The following KIAA1549 variants were observed in gnomAD, a reference collection of about 807,000 sequenced individuals.
KIAA1549 encodes UPF0606 protein KIAA1549.
Under a neutral mutation model 156.4 loss-of-function variants are expected in KIAA1549, and 70 were observed. The ratio of observed to expected loss-of-function variants is 0.45; its 90% CI spans 0.37 to 0.55. The LOEUF (loss-of-function observed/expected upper bound fraction) is 0.55. KIAA1549 is among the 20% of genes least tolerant of loss of function. The probability of loss-of-function intolerance (pLI) is 0.00; values close to 1 mark genes in which losing one functional copy is unlikely to be tolerated. For synonymous variants in KIAA1549, 1,103 were observed against 1,066.4 expected, an observed-to-expected ratio of 1.03 and a Z score of -0.67; for missense variants, 2,428 against 2,540.9, an observed-to-expected ratio of 0.96 and a Z score of 0.96.
chr7:138,924,947 G>T (rs1375930531), intron 1 of KIAA1549, among the ~76,000 whole-genome samples: 1 of 152,148 alleles, frequency 6.6e-6, no homozygotes, highest in South Asian at 2.1e-4. Flanking sequence ...CCTGAATGAC[G>T]CTGGACCCCG....
intron 1 of KIAA1549, among the ~76,000 whole-genome samples, chr7:138,960,679 A>G (rs1232619055): frequency 1.3e-5 from 2 of 152,154 alleles, no homozygotes. Flanking sequence ...AACCTCCCAG[A>G]CACCCCAGGC....
In KIAA1549 at chr7:138,851,510, C is replaced by A. The variant is rs555421872; in HGVS notation, c.5294+713G>T. Among the ~76,000 whole-genome samples the A allele has an allele frequency of 3.4e-5, 5 of 148,940 alleles. No homozygotes were observed. The South Asian group carries it at 1.1e-3, about 31-fold the overall frequency. ...GTAGTTCTGCTTCTATTGTCTATTT[C>A]TTTCTAATTAAAAAAAAACCTGTAT... On this transcript the variant is annotated intron_variant, in intron 17 of 19. Transcript: ENST00000422774.
chr7:138,908,069 C>T (rs566900607), intron 5 of KIAA1549, among the ~76,000 whole-genome samples: 5 of 152,198 alleles, frequency 3.3e-5, no homozygotes, highest in East Asian at 1.9e-4. Flanking sequence ...ATGGAGCTGA[C>T]GTAGAAAGAG....
chr7:138,924,028 A>G (rs1197087020), intron 1 of KIAA1549, among the ~76,000 whole-genome samples: 1 of 152,192 alleles, frequency 6.6e-6, no homozygotes, highest in Non-Finnish European at 1.5e-5. Context: ...TTTCATAGCA[A>G]TATTATACAG....
rs753865967 is a variant in KIAA1549, at chr7:138,918,587, C to T, written c.1039G>A (p.Ala347Thr). The change falls in exon 2 of 20, where the codon GCA becomes ACA. Residue 347 changes from alanine (A) to threonine (T), a missense_variant. By Grantham distance (58) the Ala-to-Thr change is moderately conservative. Transcript: ENST00000422774. This position sits in a 1 kb window ranked among gnomAD's most constrained non-coding sequence, Gnocchi z 4.2. Reference sequence around the variant, plus strand: ...CTGAATGCAAGGGCTGCGTGCGATGCAGTCACAGTGGGGTATGTTCTTGGA... The same window carrying T: ...CTGAATGCAAGGGCTGCGTGCGATGTAGTCACAGTGGGGTATGTTCTTGGA... ...ISPRTYPTVTASHAALAFSRT... is the reference protein window; with the variant it reads ...ISPRTYPTVTTSHAALAFSRT... The T allele has an allele frequency of 2.5e-6, 4 of 1,614,004 alleles. No homozygotes were observed. The highest frequency in any genetic ancestry group is 3.4e-6 in the Non-Finnish European group (4 of 1,179,900).
chr7:138,978,706 C>G (rs185212464), intron 1 of KIAA1549, among the ~76,000 whole-genome samples: 1 of 152,156 alleles, frequency 6.6e-6, no homozygotes, highest in African/African-American at 2.4e-5. Context: ...CAGGTCTAAG[C>G]CATGCCATTT....
At chr7:138,849,554 T>C (rs75716011) in intron 17 of KIAA1549, among the ~76,000 whole-genome samples, 4,695 of 145,498 alleles carry the variant, frequency 0.032, 242 homozygotes, top group African/African-American at 0.11. Context: ...AGAAATTTTC[T>C]TTTTTTTTTT....
intron 1 of KIAA1549, among the ~76,000 whole-genome samples, chr7:138,967,184 GA>G (rs1814052831): frequency 1.3e-5 from 2 of 152,210 alleles, no homozygotes; most frequent in Admixed American, 1.3e-4. Context: ...AAATGACACT[GA>G]ACTACACAAA....
intron 1 of KIAA1549, among the ~76,000 whole-genome samples, chr7:138,979,577 G>C (rs776191803): frequency 6.6e-6 from 1 of 152,204 alleles, no homozygotes; most frequent in Non-Finnish European, 1.5e-5. Flanking sequence ...CCATTTATCT[G>C]CTGTGTCTTA....
chr7:138,847,861 G>T (rs1324532493), intron 17 of KIAA1549, among the ~76,000 whole-genome samples: 2 of 152,176 alleles, frequency 1.3e-5, no homozygotes, highest in African/African-American at 4.8e-5. Context: ...ATACTGAGTT[G>T]TCCAATCTGT....
chr7:138,886,748 C>T (rs770805869), intron 10 of KIAA1549, among the ~76,000 whole-genome samples: 6 of 152,186 alleles, frequency 3.9e-5, no homozygotes, highest in Non-Finnish European at 7.3e-5. Context: ...GCTCCTGTTA[C>T]AGGAGTACAC....
At chr7:138,925,879 T>C (rs1459023174) in intron 1 of KIAA1549, among the ~76,000 whole-genome samples, 6 of 125,138 alleles carry the variant, frequency 4.8e-5, no homozygotes, top group South Asian at 2.8e-4. Context: ...TATGTTAGAG[T>C]ACAATTGAGT....
chr7:138,833,662 TAGAC>T lies in KIAA1549; in HGVS notation c.*4240_*4243del, dbSNP rs765873780. Reference sequence around the variant, plus strand: ...GAAGCTGAATATATATATAGATAGATAGACAGATACATAGACAGACAGACAGATA... The same window carrying T: ...GAAGCTGAATATATATATAGATAGATAGATACATAGACAGACAGACAGATA... On this transcript the variant is annotated 3_prime_UTR_variant, in exon 20 of 20. Coordinates refer to ENST00000422774, the MANE Select transcript of KIAA1549 (RefSeq NM_001164665.2). 17 of 231,550 alleles carry T rather than the reference TAGAC, an allele frequency of 7.3e-5. No homozygotes were observed. Among genetic ancestry groups the T allele is most frequent in the African/African-American group, 2.9e-4 (13 of 44,626 alleles). 14.3% of individuals were successfully genotyped at this position (231,550 alleles called of 1,614,324 possible). A position where few individuals can be genotyped will look rare whatever the true frequency, so the allele number is the denominator to read the frequency against.
At chr7:138,949,894 G>A (rs1407590135) in intron 1 of KIAA1549, among the ~76,000 whole-genome samples, 2 of 152,226 alleles carry the variant, frequency 1.3e-5, no homozygotes, top group African/African-American at 4.8e-5. Context: ...AGAGCAGCGA[G>A]TACACCTGAC....
chr7:138,898,317 A>G (rs1180907910), intron 9 of KIAA1549, among the ~76,000 whole-genome samples: 1 of 151,846 alleles, frequency 6.6e-6, no homozygotes, highest in Non-Finnish European at 1.5e-5. Flanking sequence ...AAAAAAAAAA[A>G]AAAAAAGCAA....
intron 2 of KIAA1549, 39 bp downstream of exon 2, chr7:138,916,709 T>C (rs189170867): frequency 2.6e-4 from 417 of 1,606,894 alleles, no homozygotes; most frequent in Non-Finnish European, 3.1e-4. Context: ...CTTAGAAAGA[T>C]TGCCCACCCC....
At chr7:138,934,326 C>T (rs1481865635) in intron 1 of KIAA1549, among the ~76,000 whole-genome samples, 1 of 151,184 alleles carries the variant, frequency 6.6e-6, no homozygotes, top group Non-Finnish European at 1.5e-5. Flanking sequence ...AGTCCAGAGA[C>T]CAGGAAACTT....
At chr7:138,914,445 G>T (rs146298379) in intron 2 of KIAA1549, among the ~76,000 whole-genome samples, 1 of 152,188 alleles carries the variant, frequency 6.6e-6, no homozygotes, top group Non-Finnish European at 1.5e-5. Context: ...CTCCCAGGGC[G>T]CGTGCAGGCA....
chr7:138,981,012 G>C lies in KIAA1549; in HGVS notation c.187+71C>G. The C allele has an allele frequency of 8.4e-7, 1 of 1,183,742 alleles. No individual in the cohort carries two copies. Among genetic ancestry groups the C allele is most frequent in the Non-Finnish European group, 1.0e-6 (1 of 954,606 alleles). 73.3% of individuals were successfully genotyped at this position (1,183,742 alleles called of 1,614,324 possible). A position where few individuals can be genotyped will look rare whatever the true frequency, so the allele number is the denominator to read the frequency against. ...AAAGAGGATGGGCGGGGAAAGCCGG[G>C]GTTTTGAAAACAGCAGCGATAAAGG... On this transcript the variant is annotated intron_variant, in intron 1 of 19. Coordinates refer to ENST00000422774, the MANE Select transcript of KIAA1549 (RefSeq NM_001164665.2). This position sits in a 1 kb window ranked among gnomAD's most constrained non-coding sequence, Gnocchi z 4.5.
Sources: allele counts gnomAD v4.1 joint callset (sites outside exome capture counted in the v4.1 genomes callset), GRCh38; gene constraint gnomAD v4.1.1; non-coding constraint Gnocchi (gnomAD v3.1); transcripts MANE v1.5; gene names NCBI Gene and HGNC (gene_info 2026-07-23, HGNC 2026-07-21).